The following CUEDC1 variants were observed in gnomAD, a reference collection of about 807,000 sequenced individuals.
The protein encoded by CUEDC1 is CUE domain-containing protein 1.
Under a neutral mutation model 43.7 loss-of-function variants are expected in CUEDC1, and 30 were observed. That is an observed-to-expected ratio of 0.69 (90% CI 0.51 to 0.93). The LOEUF is 0.93. Among genes scored for constraint, CUEDC1 ranks in the 40% least tolerant of loss-of-function variants. The pLI, the probability that CUEDC1 is intolerant of heterozygous loss-of-function variation, is 0.00. For missense variants in CUEDC1, 486 were observed against 549.0 expected (o/e 0.89, Z 1.15); for synonymous variants, 223 against 223.6 (o/e 1.00, Z 0.02).
At chr17:57,917,938 C>A (rs979663813) in intron 1 of CUEDC1, among the ~76,000 whole-genome samples, 7 of 152,216 alleles carry the variant, frequency 4.6e-5, no homozygotes, top group Non-Finnish European at 1.0e-4. Context: ...ACATGGACTG[C>A]TCTGTGTAGT....
rs2073868090 is a variant in CUEDC1, at chr17:57,861,348, T to C, written c.*1941A>G. On this transcript the variant is annotated 3_prime_UTR_variant, in exon 11 of 11. Coordinates refer to ENST00000577830, the MANE Select transcript of CUEDC1 (RefSeq NM_001271875.2). ...TCCCTTGCCTGATACAGCAAGCGGT[T>C]TACAGTCCTGGGCCAAACAGGAAGG... 1 of 152,182 alleles carries C rather than the reference T, an allele frequency of 6.6e-6. No individual in the cohort carries two copies. The highest frequency in any genetic ancestry group is 6.5e-5 in the Admixed American group (1 of 15,278). 9.4% of individuals were successfully genotyped at this position (152,182 alleles called of 1,614,324 possible).
At chr17:57,937,403 G>A (rs907300051) in intron 1 of CUEDC1, among the ~76,000 whole-genome samples, 1 of 152,002 alleles carries the variant, frequency 6.6e-6, no homozygotes, top group South Asian at 2.1e-4. Flanking sequence ...TTGAGCCCAG[G>A]GGTTCAAGAC....
intron 1 of CUEDC1, among the ~76,000 whole-genome samples, chr17:57,918,148 T>A (rs1373529911): frequency 3.3e-5 from 5 of 152,162 alleles, no homozygotes; most frequent in Non-Finnish European, 1.5e-5. Context: ...AAATCCTAGG[T>A]AGGATATCCA....
intron 8 of CUEDC1, 46 bp downstream of exon 8, chr17:57,868,103 GC>G (rs746638093): frequency 9.3e-6 from 14 of 1,502,560 alleles, no homozygotes; most frequent in Non-Finnish European, 1.2e-5. Context: ...TTGCTCCATG[GC>G]CCTTGGCTTC....
intron 5 of CUEDC1, 27 bp downstream of exon 5, chr17:57,872,636 G>A (rs748540471): frequency 6.2e-7 from 1 of 1,612,282 alleles, no homozygotes; most frequent in Non-Finnish European, 8.5e-7. Flanking sequence ...CTTCAGCCAG[G>A]GAGAAGTGGC....
At chr17:57,953,067 A>G (rs2075023212) in intron 1 of CUEDC1, among the ~76,000 whole-genome samples, 1 of 152,202 alleles carries the variant, frequency 6.6e-6, no homozygotes, top group Non-Finnish European at 1.5e-5. Context: ...CACCCAGATC[A>G]TAGCCTTGGA....
chr17:57,897,654 GAAAA>G (rs58748550), intron 1 of CUEDC1, among the ~76,000 whole-genome samples: 1,901 of 109,556 alleles, frequency 0.017, 58 homozygotes, highest in African/African-American at 0.055. Flanking sequence ...TGGTCTCAAT[GAAAA>G]AAAAAAAAAA....
At chr17:57,864,713 T>C (rs2073931651) in intron 10 of CUEDC1, among the ~76,000 whole-genome samples, 1 of 152,000 alleles carries the variant, frequency 6.6e-6, no homozygotes, top group Non-Finnish European at 1.5e-5. Flanking sequence ...GGATGTCAAC[T>C]TGCAGAAGGA....
In CUEDC1 at chr17:57,883,680, G is replaced by A. The variant is rs1364818181; in HGVS notation, c.336+1549C>T. ...GGAGGTTGCAGTGAACCAAGATCGC[G>A]CCATTGCACTCCAGCCTGGGCGACA... On this transcript the variant is annotated intron_variant, in intron 2 of 10. Transcript: ENST00000577830. Among the ~76,000 whole-genome samples, 4 of 152,082 alleles carry A rather than the reference G, an allele frequency of 2.6e-5. 1 individual carries two copies. Among genetic ancestry groups the A allele is most frequent in the East Asian group, 1.9e-4 (1 of 5,174 alleles).
intron 3 of CUEDC1, among the ~76,000 whole-genome samples, chr17:57,879,118 C>G (rs1226454854): frequency 6.6e-6 from 1 of 152,232 alleles, no homozygotes; most frequent in Non-Finnish European, 1.5e-5. Context: ...ATATCCCTAG[C>G]CCAAGGATGG....
At chr17:57,934,230 A>G (rs2074837619) in intron 1 of CUEDC1, among the ~76,000 whole-genome samples, 1 of 152,246 alleles carries the variant, frequency 6.6e-6, no homozygotes, top group South Asian at 2.1e-4. Flanking sequence ...CGTCTCTACT[A>G]AAAATACAAA....
At chr17:57,916,554 C>T (rs1366124979) in intron 1 of CUEDC1, among the ~76,000 whole-genome samples, 1 of 152,202 alleles carries the variant, frequency 6.6e-6, no homozygotes, top group African/African-American at 2.4e-5. Flanking sequence ...AACCCGTCAC[C>T]ACCTCCCAGG....
intron 1 of CUEDC1, among the ~76,000 whole-genome samples, chr17:57,934,559 T>TAAA (rs575832390): frequency 6.1e-5 from 4 of 65,326 alleles, no homozygotes; most frequent in Non-Finnish European, 9.4e-5. Flanking sequence ...CCTGTCTCTC[T>TAAA]AAAAAAAAAA....
intron 1 of CUEDC1, among the ~76,000 whole-genome samples, chr17:57,920,726 G>A (rs2074690587): frequency 6.6e-6 from 1 of 151,394 alleles, no homozygotes; most frequent in Admixed American, 6.6e-5. Context: ...CCACCTCCTG[G>A]GTTTGAGTGA....
intron 10 of CUEDC1, among the ~76,000 whole-genome samples, chr17:57,865,201 C>T (rs1031081365): frequency 3.9e-5 from 6 of 152,126 alleles, no homozygotes; most frequent in Non-Finnish European, 8.8e-5. Context: ...ACAGTGGAGG[C>T]GATTCCCCGG....
intron 2 of CUEDC1, among the ~76,000 whole-genome samples, chr17:57,880,299 C>T (rs1003414268): frequency 6.6e-6 from 1 of 152,350 alleles, no homozygotes. Flanking sequence ...TAACCTCGAA[C>T]AACCTGGCGC....
At chr17:57,948,853 A>C (rs1239568572) in intron 1 of CUEDC1, among the ~76,000 whole-genome samples, 1 of 152,128 alleles carries the variant, frequency 6.6e-6, no homozygotes, top group Non-Finnish European at 1.5e-5. Context: ...AGAGTGAATC[A>C]CTGTGTTCTG....
chr17:57,868,249 G>T lies in CUEDC1; in HGVS notation c.941-6C>A. On this transcript the variant is annotated splice_region_variant and splice_polypyrimidine_tract_variant and intron_variant, in intron 7 of 10. Coordinates refer to ENST00000577830, the MANE Select transcript of CUEDC1 (RefSeq NM_001271875.2). ...AAACAGTTTCCTCCGGGTGGCTGGG[G>T]GCAGAGAGACCTGTGAGTCATTCTC... The T allele has an allele frequency of 3.1e-6, 5 of 1,613,578 alleles. No individual in the cohort carries two copies. Among genetic ancestry groups the T allele is most frequent in the Non-Finnish European group, 4.2e-6 (5 of 1,179,484 alleles).
At chr17:57,891,261 T>C (rs1028909792) in intron 1 of CUEDC1, among the ~76,000 whole-genome samples, 5 of 152,216 alleles carry the variant, frequency 3.3e-5, no homozygotes, top group Non-Finnish European at 5.9e-5. Flanking sequence ...CCCAACCTGC[T>C]TCTCCCCTGC....
Sources: gnomAD v4.1 joint callset for allele counts (sites outside exome capture counted in the v4.1 genomes callset) on GRCh38, gnomAD v4.1.1 for gene constraint, MANE v1.5 for transcripts, NCBI Gene and HGNC (gene_info 2026-07-23, HGNC 2026-07-21) for gene names.